UMAD1: variants seen among roughly 807,000 people sequenced by gnomAD.
The protein encoded by UMAD1 is UBAP1-MVB12-associated (UMA)-domain containing protein 1.
In UMAD1, 8 loss-of-function variants were observed where a neutral mutation model predicts 6.1. That is an observed-to-expected ratio of 1.30 (90% CI 0.76 to 2.35). The LOEUF is 2.35. Ranked by LOEUF, UMAD1 falls within the 30% of genes most tolerant of loss-of-function variation. The pLI is 0.00. For synonymous variants in UMAD1, 56 were observed against 31.4 expected (o/e 1.78, Z -2.61); for missense variants, 130 against 78.4 (o/e 1.66, Z -2.49).
At chr7:7,645,616 C>G (rs1785075558) in intron 1 of UMAD1, among the ~76,000 whole-genome samples, 1 of 152,098 alleles carries the variant, frequency 6.6e-6, no homozygotes, top group East Asian at 1.9e-4. Flanking sequence ...AGGAATTTTC[C>G]TTCTATTCCT....
intron 2 of UMAD1, among the ~76,000 whole-genome samples, chr7:7,754,215 C>CA (rs900044368): frequency 2.1e-4 from 32 of 151,496 alleles, no homozygotes; most frequent in East Asian, 3.9e-4. Flanking sequence ...CAAAGCAAAA[C>CA]AAAAAAAACA....
At chr7:7,844,922 A>T (rs1365472604) in intron 3 of UMAD1, among the ~76,000 whole-genome samples, 1 of 152,206 alleles carries the variant, frequency 6.6e-6, no homozygotes, top group African/African-American at 2.4e-5. Context: ...TTAAAACAGT[A>T]GAAAAGACAT....
At chr7:7,804,627 T>G (rs1329299487) in intron 3 of UMAD1, among the ~76,000 whole-genome samples, 1 of 145,700 alleles carries the variant, frequency 6.9e-6, no homozygotes, top group East Asian at 2.1e-4. Context: ...GAGCCAAGAT[T>G]GTGCCACTGC....
intron 2 of UMAD1, among the ~76,000 whole-genome samples, chr7:7,778,602 G>C (rs1455823014): frequency 6.6e-6 from 1 of 151,978 alleles, no homozygotes; most frequent in Non-Finnish European, 1.5e-5. Context: ...TTTTTGTAGA[G>C]ATGAGGTCTC....
intron 2 of UMAD1, among the ~76,000 whole-genome samples, chr7:7,712,443 C>T (rs1222456006): frequency 6.6e-6 from 1 of 151,922 alleles, no homozygotes; most frequent in Non-Finnish European, 1.5e-5. Context: ...CAGATTTATT[C>T]TTAGAGTGCT....
intron 2 of UMAD1, among the ~76,000 whole-genome samples, chr7:7,788,865 G>A (rs1782505850): frequency 1.3e-5 from 2 of 152,260 alleles, no homozygotes; most frequent in Non-Finnish European, 2.9e-5. Flanking sequence ...GGAAATCTAG[G>A]TATTTTGCTC....
rs1057221485 is a variant in UMAD1, at chr7:7,834,018, T to G, written c.156+32275T>G. Among the ~76,000 whole-genome samples, 3 of 23,228 alleles carry G rather than the reference T, an allele frequency of 1.3e-4. No homozygotes were observed. In the African/African-American group the frequency reaches 1.4e-3, roughly 11 times the overall value. 15.2% of individuals were successfully genotyped at this position (23,228 alleles called of 152,430 possible). A position where few individuals can be genotyped will look rare whatever the true frequency, so the allele number is the denominator to read the frequency against. On this transcript the variant is annotated intron_variant, in intron 3 of 3. Coordinates refer to ENST00000682710, the MANE Select transcript of UMAD1 (RefSeq NM_001302348.2). Reference sequence around the variant, plus strand: ...TAACATTTCTTTCTTTTTCTTTTCTTTTTTTTTTTTTTTTTTTTTTTTGAG... The same window carrying G: ...TAACATTTCTTTCTTTTTCTTTTCTGTTTTTTTTTTTTTTTTTTTTTTGAG...
At chr7:7,704,956 A>T (rs1329223914) in intron 2 of UMAD1, among the ~76,000 whole-genome samples, 1 of 152,176 alleles carries the variant, frequency 6.6e-6, no homozygotes, top group Non-Finnish European at 1.5e-5. Flanking sequence ...TGAAAAGAAG[A>T]TTCTGGATAA....
At chr7:7,691,108 A>C (rs1000795421) in intron 2 of UMAD1, among the ~76,000 whole-genome samples, 6 of 152,182 alleles carry the variant, frequency 3.9e-5, no homozygotes, top group Admixed American at 2.0e-4. Flanking sequence ...TATGCTGCCA[A>C]CATTGAATAA....
intron 3 of UMAD1, among the ~76,000 whole-genome samples, chr7:7,803,748 G>A (rs1782850251): frequency 6.6e-6 from 1 of 151,874 alleles, no homozygotes; most frequent in Admixed American, 6.6e-5. Context: ...ATGATAAAGG[G>A]AGAACTCTAG....
intron 2 of UMAD1, chr7:7,735,844 G>A (rs1299212003): frequency 6.6e-6 from 1 of 152,274 alleles, no homozygotes; most frequent in Non-Finnish European, 1.5e-5. Flanking sequence ...CACCCAGAAA[G>A]TATCTTCCAC....
At chr7:7,664,978 T>TA (rs1779400546) in intron 1 of UMAD1, among the ~76,000 whole-genome samples, 1 of 151,318 alleles carries the variant, frequency 6.6e-6, no homozygotes, top group Non-Finnish European at 1.5e-5. Flanking sequence ...GTATTTGGAA[T>TA]AAAATGTGTG....
chr7:7,815,780 T>C (rs550972506), intron 3 of UMAD1, among the ~76,000 whole-genome samples: 1 of 152,176 alleles, frequency 6.6e-6, no homozygotes, highest in African/African-American at 2.4e-5. Context: ...CTTGGTACTT[T>C]GCTACTACCC....
intron 2 of UMAD1, among the ~76,000 whole-genome samples, chr7:7,699,192 T>C (rs931354979): frequency 2.6e-5 from 4 of 152,064 alleles, no homozygotes; most frequent in African/African-American, 9.7e-5. Context: ...AGTTGACTGA[T>C]TATGGGAATG....
intron 3 of UMAD1, among the ~76,000 whole-genome samples, chr7:7,844,841 G>A (rs1783753278): frequency 6.6e-6 from 1 of 152,046 alleles, no homozygotes; most frequent in Non-Finnish European, 1.5e-5. Context: ...TTAATTTACT[G>A]TTTACAGCCT....
intron 3 of UMAD1, among the ~76,000 whole-genome samples, chr7:7,861,924 C>T (rs1237209795): frequency 6.6e-6 from 1 of 152,134 alleles, no homozygotes; most frequent in African/African-American, 2.4e-5. Context: ...ATATTAAGAG[C>T]AGCAGAACAG....
At chr7:7,867,952 G>GGGTA (rs1443336402) in intron 3 of UMAD1, among the ~76,000 whole-genome samples, 1 of 152,032 alleles carries the variant, frequency 6.6e-6, no homozygotes, top group East Asian at 1.9e-4. Context: ...ATTTGTTGGG[G>GGGTA]GGTAGAGCAG....
At chr7:7,648,496 G>T (rs1206442129) in intron 1 of UMAD1, among the ~76,000 whole-genome samples, 1 of 152,058 alleles carries the variant, frequency 6.6e-6, no homozygotes, top group East Asian at 1.9e-4. Flanking sequence ...GATGTATTAT[G>T]ATTTGTCTTA....
At position 7,796,784 on chromosome 7, in the gene UMAD1, C is replaced by T. The variant is rs150880181; in HGVS notation, c.83-4886C>T. ...CCAAATCAGCAAGAGAATACCGTTT[C>T]TTCATCTCCCTGCCCCATGACTTCA... is the stretch of plus-strand genomic sequence containing the variant. On this transcript the variant is annotated intron_variant, in intron 2 of 3. Coordinates refer to ENST00000682710, the MANE Select transcript of UMAD1 (RefSeq NM_001302348.2). Among the ~76,000 whole-genome samples, 501 of 152,264 alleles carry T rather than the reference C, an allele frequency of 3.3e-3. 2 individuals carry two copies. Among genetic ancestry groups the T allele is most frequent in the Admixed American group, 0.01 (158 of 15,300 alleles).
Sources: gnomAD v4.1 joint callset for allele counts (sites outside exome capture counted in the v4.1 genomes callset) on GRCh38, gnomAD v4.1.1 for gene constraint, MANE v1.5 for transcripts, NCBI Gene and HGNC (gene_info 2026-07-23, HGNC 2026-07-21) for gene names.